Variants in CLDN16 observed in about 807,000 individuals in gnomAD.
CLDN16 encodes claudin-16.
A neutral mutation model predicts 24.6 loss-of-function variants in CLDN16; 13 were observed. The observed-to-expected ratio is 0.53, with a 90% confidence interval of 0.34 to 0.84. The LOEUF (loss-of-function observed/expected upper bound fraction) is 0.84. Ranked by LOEUF, CLDN16 falls within the 40% of genes least tolerant of loss-of-function variation. CLDN16 has a pLI of 0.01. For missense variants in CLDN16, 298 were observed against 292.7 expected (o/e 1.02, Z -0.13); for synonymous variants, 116 against 106.7 (o/e 1.09, Z -0.54).
At position 190,367,633 on chromosome 3, in the gene CLDN16, G is replaced by C. The variant is rs894748102; in HGVS notation, n.122-3260G>C. Among the ~76,000 whole-genome samples the C allele has an allele frequency of 3.3e-5, 5 of 151,930 alleles. No individual in the cohort carries two copies. In the East Asian group the frequency reaches 9.7e-4, roughly 30 times the overall value. The stretch of plus-strand genomic sequence containing the variant: ...CTGCAAAATTCATTGTTTTTAAATG[G>C]CTTTATTATGGAAAATGAAACCTTT... On this transcript the variant is annotated intron_variant and non_coding_transcript_variant, in intron 1 of 4. Coordinates refer to the CLDN16 transcript ENST00000468220.
intron 1 of CLDN16, among the ~76,000 whole-genome samples, chr3:190,391,203 T>C (rs1718650898): frequency 6.7e-6 from 1 of 148,960 alleles, no homozygotes; most frequent in African/African-American, 2.5e-5. Flanking sequence ...TATTATACTT[T>C]TCCAGTTTTT....
chr3:190,396,700 G>A (rs957643946), intron 1 of CLDN16, among the ~76,000 whole-genome samples: 9 of 152,098 alleles, frequency 5.9e-5, no homozygotes, highest in African/African-American at 1.9e-4. Flanking sequence ...AAAAGATAAT[G>A]CAATATTTTA....
the CLDN16 span, among the ~76,000 whole-genome samples, chr3:190,294,298 G>C: frequency 6.6e-6 from 1 of 152,150 alleles, no homozygotes. Flanking sequence ...AACAATTTAA[G>C]CTGCTAGTAT....
At chr3:190,290,502 GA>G in the CLDN16 span, among the ~76,000 whole-genome samples, 1 of 151,484 alleles carries the variant, frequency 6.6e-6, no homozygotes, top group Admixed American at 6.6e-5. Flanking sequence ...CAATTTTAAG[GA>G]AAAAAAACCT....
At chr3:190,393,747 CTTTT>C (rs58465741) in intron 1 of CLDN16, among the ~76,000 whole-genome samples, 2 of 115,236 alleles carry the variant, frequency 1.7e-5, no homozygotes, top group African/African-American at 3.4e-5. Flanking sequence ...TGTCATTTGC[CTTTT>C]TTTTTTTTTT....
chr3:190,325,807 T>G (rs949518935), intron 1 of CLDN16, among the ~76,000 whole-genome samples: 1 of 152,162 alleles, frequency 6.6e-6, no homozygotes, highest in Non-Finnish European at 1.5e-5. Flanking sequence ...GCTTCTTAAG[T>G]GGTAAAAGCA....
At chr3:190,381,260 C>T (rs1718364405) in intron 3 of CLDN16, among the ~76,000 whole-genome samples, 1 of 152,022 alleles carries the variant, frequency 6.6e-6, no homozygotes, top group African/African-American at 2.4e-5. Flanking sequence ...GGAGTTCACT[C>T]TGGTTTAAAA....
intron 1 of CLDN16, among the ~76,000 whole-genome samples, chr3:190,323,566 G>A (rs1560078006): frequency 6.6e-6 from 1 of 152,152 alleles, no homozygotes; most frequent in Admixed American, 6.5e-5. Flanking sequence ...TGCGAGTGTG[G>A]TGGGAGGGGA....
chr3:190,353,760 T>C (rs1717714234), intron 1 of CLDN16, among the ~76,000 whole-genome samples: 1 of 152,104 alleles, frequency 6.6e-6, no homozygotes, highest in East Asian at 1.9e-4. Context: ...CTGGTTCTAG[T>C]AGTAAAAGTG....
rs201641346 is a variant in CLDN16, at chr3:190,408,475, G to A, written c.544G>A (p.Val182Ile). Reference sequence around the variant, plus strand: ...TCTGGGTTGCTTTTTGGCTGGAGCTGTTCTCACCTGCTGCTTATATCTTTT... The same window carrying A: ...TCTGGGTTGCTTTTTGGCTGGAGCTATTCTCACCTGCTGCTTATATCTTTT... ...GSLGCFLAGAVLTCCLYLFKD... is the reference protein window; with the variant it reads ...GSLGCFLAGAILTCCLYLFKD... The change falls in exon 4 of 5, where the codon GTT becomes ATT. Residue 182 changes from valine to isoleucine, a missense_variant. By Grantham distance (29) the Val-to-Ile change is conservative. Transcript: ENST00000264734. 8.1e-6 allele frequency: 13 copies of A among 1,613,976 alleles called. No individual in the cohort carries two copies. Among genetic ancestry groups the A allele is most frequent in the Non-Finnish European group, 1.1e-5 (13 of 1,179,978 alleles).
rs544315870 is a variant in CLDN16 at position 190,325,420 on chromosome 3, C to A, written n.121+2759C>A. The stretch of plus-strand genomic sequence containing the variant: ...ATATTTTACTCTGTGACTGTCTCTT[C>A]TTAATATCTGTTGCAGCCCACTGAG... On this transcript the variant is annotated intron_variant and non_coding_transcript_variant, in intron 1 of 4. Transcript: ENST00000468220. Among the ~76,000 whole-genome samples the A allele has an allele frequency of 1.5e-4, 23 of 152,216 alleles. No individual in the cohort carries two copies. In the South Asian group the frequency reaches 2.3e-3, roughly 15 times the overall value.
At chr3:190,300,485 C>G in the CLDN16 span, among the ~76,000 whole-genome samples, 6 of 152,164 alleles carry the variant, frequency 3.9e-5, no homozygotes, top group Non-Finnish European at 8.8e-5. Flanking sequence ...TAGGCTAAAG[C>G]TGGTCCACAG....
At chr3:190,387,924 A>G, upstream of CLDN16, 1 of 610,042 alleles carries the variant, frequency 1.6e-6, no homozygotes, top group Non-Finnish European at 2.9e-6. Context: ...GGCCTAAGAA[A>G]GATCAGTTTA....
intron 1 of CLDN16, among the ~76,000 whole-genome samples, chr3:190,332,083 A>G (rs1406294752): frequency 6.6e-6 from 1 of 152,198 alleles, no homozygotes; most frequent in Non-Finnish European, 1.5e-5. Context: ...TCACATCTCA[A>G]GATCAATTGA....
At chr3:190,378,656 C>A (rs989601272) in intron 3 of CLDN16, among the ~76,000 whole-genome samples, 2 of 152,018 alleles carry the variant, frequency 1.3e-5, no homozygotes, top group Admixed American at 6.6e-5. Flanking sequence ...AGGGTTTGGA[C>A]AAGTAACAGG....
chr3:190,318,846 A>G (rs2108613811), upstream of CLDN16, among the ~76,000 whole-genome samples: 1 of 152,300 alleles, frequency 6.6e-6, no homozygotes, highest in South Asian at 2.1e-4. Context: ...TGAGCCTGAC[A>G]TCATGGTGAG....
At chr3:190,330,035 C>T (rs1717149305) in intron 1 of CLDN16, among the ~76,000 whole-genome samples, 1 of 150,992 alleles carries the variant, frequency 6.6e-6, no homozygotes, top group African/African-American at 2.4e-5. Context: ...ATATCTCAAC[C>T]GTCCCCCCTC....
At chr3:190,393,240 A>G (rs1718725060) in intron 1 of CLDN16, among the ~76,000 whole-genome samples, 1 of 152,194 alleles carries the variant, frequency 6.6e-6, no homozygotes, top group South Asian at 2.1e-4. Flanking sequence ...ATCTATACAG[A>G]AACCTTCATG....
chr3:190,307,454 A>G, the CLDN16 span: 1 of 152,222 alleles, frequency 6.6e-6, no homozygotes, highest in Non-Finnish European at 1.5e-5. Flanking sequence ...CAAAGCAAAC[A>G]AGAGTGCTAT....
Sources: gnomAD v4.1 joint callset for allele counts (sites outside exome capture counted in the v4.1 genomes callset) on GRCh38, gnomAD v4.1.1 for gene constraint, MANE v1.5 for transcripts, NCBI Gene and HGNC (gene_info 2026-07-23, HGNC 2026-07-21) for gene names.